Variants in USP24 observed in about 807,000 individuals in gnomAD.
USP24 encodes the protein ubiquitin specific peptidase 24.
In USP24, 97 loss-of-function variants were observed where a neutral mutation model predicts 361.6. The ratio of observed to expected loss-of-function variants is 0.27; its 90% confidence interval spans 0.23 to 0.32. The LOEUF (loss-of-function observed/expected upper bound fraction) is 0.32. Among genes scored for constraint, USP24 ranks in the 10% least tolerant of loss-of-function variants. The pLI is 1.00. For synonymous variants in USP24, 1,098 were observed against 1,124.6 expected, an observed-to-expected ratio of 0.98 and a Z score of 0.47; for missense variants, 2,353 against 3,165.6, an observed-to-expected ratio of 0.74 and a Z score of 6.16.
At chr1:55,086,103 G>T in intron 55 of USP24, 65 bp from the exon 56 acceptor site, 1 of 1,477,168 alleles carries the variant, frequency 6.8e-7, no homozygotes, top group Non-Finnish European at 9.4e-7. Context: ...ACCTTCCCAT[G>T]ATAGGTCCCA....
intron 16 of USP24, among the ~76,000 whole-genome samples, chr1:55,151,338 TACTAACC>T: frequency 6.6e-6 from 1 of 152,230 alleles, no homozygotes; most frequent in Non-Finnish European, 1.5e-5. Flanking sequence ...TTTCCTCCTG[TACTAACC>T]ACATCATGTG....
In USP24 at chr1:55,066,649, G is replaced by C. The variant is rs1233438122; in HGVS notation, c.*2396C>G. 1 of 152,164 alleles carries C rather than the reference G, an allele frequency of 6.6e-6. No homozygotes were observed. Among genetic ancestry groups the C allele is most frequent in the Non-Finnish European group, 1.5e-5 (1 of 68,036 alleles). 9.4% of individuals were successfully genotyped at this position (152,164 alleles called of 1,614,324 possible). ...TGACTGTAGTTGTCAGTGACCGTGTGAGGACTCCAGGAGAAGTCGTGGTGA... is the reference window on the plus strand; with the variant it reads ...TGACTGTAGTTGTCAGTGACCGTGTCAGGACTCCAGGAGAAGTCGTGGTGA... On this transcript the variant is annotated 3_prime_UTR_variant, in exon 68 of 68. Transcript: ENST00000294383.
intron 65 of USP24, 55 bp downstream of exon 65, chr1:55,072,731 G>A (rs2100389130): frequency 6.7e-7 from 1 of 1,491,528 alleles, no homozygotes; most frequent in Non-Finnish European, 9.1e-7. Context: ...TTCCTGACAA[G>A]ATGTGCTATT....
rs1647734214 is a variant in USP24, at chr1:55,156,956, T to C, written c.1438A>G (p.Lys480Glu). ...LSLDELTKIW[K>E]IQSGQSSTVI... ...AATTCTGATCAACCTACCTGTATCT[T>C]CCAAATTTTAGTGAGTTCATCTAAC... Residue 480 changes from lysine to glutamate, a missense_variant, in exon 12 of 68, where the codon AAG (lysine) becomes GAG (glutamate). Around this residue, in one of 8 missense-constraint regions of USP24, gnomAD observed 386 missense variants for 560.5 expected, o/e 0.69. Transcript: ENST00000294383. 2 of 1,611,726 alleles carry C rather than the reference T, an allele frequency of 1.2e-6. No homozygotes were observed. The highest frequency in any genetic ancestry group is 2.7e-5 in the African/African-American group (2 of 74,848).
Position 55,143,021 on chromosome 1 carries a change from G to T in USP24, c.2538C>A (p.Ile846=). 6.6e-7 allele frequency: 1 copy of T among 1,526,636 alleles called. No individual in the cohort carries two copies. The highest frequency in any genetic ancestry group is 1.3e-5 in the South Asian group (1 of 78,534). The allele number at this position is 1,526,636 out of a possible 1,614,324, so 94.6% of individuals were successfully genotyped here. A position where few individuals can be genotyped will look rare whatever the true frequency, so the allele number is the denominator to read the frequency against. ...TTAGATTAATGTAACTATAGTTTATGATTAGCTGAATAGCTTCATTAGCAA... is the reference window on the plus strand; with the variant it reads ...TTAGATTAATGTAACTATAGTTTATTATTAGCTGAATAGCTTCATTAGCAA... ...EEIANEAIQL[I]INYSYINLNP... The change falls in exon 22 of 68, where the codon ATC becomes ATA. Residue 846 remains isoleucine, a synonymous_variant. Coordinates refer to ENST00000294383, the MANE Select transcript of USP24 (RefSeq NM_015306.3).
chr1:55,194,712 C>T (rs1387007454), intron 1 of USP24, among the ~76,000 whole-genome samples: 1 of 152,048 alleles, frequency 6.6e-6, no homozygotes. Flanking sequence ...ACCTTGGTGC[C>T]CTCAATGTAC....
intron 3 of USP24, 25 bp from the exon 4 acceptor site, chr1:55,172,545 A>C: frequency 6.3e-7 from 1 of 1,590,028 alleles, no homozygotes; most frequent in Non-Finnish European, 8.5e-7. Flanking sequence ...AGGGCAATCT[A>C]GAGTCTAACT....
intron 62 of USP24, among the ~76,000 whole-genome samples, chr1:55,075,957 G>A (rs1645023347): frequency 6.6e-6 from 1 of 151,862 alleles, no homozygotes; most frequent in African/African-American, 2.4e-5. Flanking sequence ...GGGAGACTCT[G>A]TCTTGAAAAA....
intron 56 of USP24, among the ~76,000 whole-genome samples, chr1:55,084,959 T>C (rs1478966097): frequency 3.3e-5 from 5 of 151,936 alleles, no homozygotes; most frequent in Non-Finnish European, 7.4e-5. Context: ...AGGAGGAGAG[T>C]GATATGGTCC....
intron 53 of USP24, 74 bp downstream of exon 53, chr1:55,092,747 T>G: frequency 9.0e-7 from 1 of 1,114,128 alleles, no homozygotes; most frequent in Non-Finnish European, 1.3e-6. Context: ...TGAGGATGAA[T>G]CACTGAATGC....
chr1:55,123,195 C>G (rs74330634), intron 36 of USP24, among the ~76,000 whole-genome samples: 3,747 of 152,324 alleles, frequency 0.025, 57 homozygotes, highest in Non-Finnish European at 0.037. Flanking sequence ...CTCAACTAGA[C>G]AGCAAGCTCG....
In USP24 at chr1:55,089,704, T is replaced by C. The variant is rs774489051; in HGVS notation, c.6591A>G (p.Ala2197=). Residue 2197 remains alanine, a synonymous_variant, in exon 55 of 68, where the codon GCA becomes GCG. Transcript: ENST00000294383. ...DTEEWIATIE[A]LLSKSFDACQ... is the part of the protein sequence containing the mutation. ...AAGCATCAAAACTTTTTGAAAGCAATGCTTCAATGGTAGCAATCCATTCTT... is the reference window on the plus strand; with the variant it reads ...AAGCATCAAAACTTTTTGAAAGCAACGCTTCAATGGTAGCAATCCATTCTT... 2.5e-6 allele frequency: 4 copies of C among 1,604,230 alleles called. No homozygotes were observed. The South Asian group carries it at 4.5e-5, about 18-fold the overall frequency.
chr1:55,072,887 G>A (rs758582904), intron 64 of USP24, 26 bp from the exon 65 acceptor site: 1 of 1,580,322 alleles, frequency 6.3e-7, no homozygotes. Flanking sequence ...ATTTTTATTA[G>A]CCAAATTCTT....
chr1:55,151,702 AAGC>A (rs1647197728), intron 16 of USP24, among the ~76,000 whole-genome samples: 1 of 152,154 alleles, frequency 6.6e-6, no homozygotes, highest in South Asian at 2.1e-4. Flanking sequence ...GAAGGTATAG[AAGC>A]AGCAAAGGAA....
rs1475457118 is a variant in USP24 at position 55,214,824 on chromosome 1, G to A, written c.290C>T (p.Pro97Leu). ...GSTGGGGGFD[P>L]PPAYHEVVDA... ...CACCACCTCGTGGTAGGCGGGCGGG[G>A]GGTCGAAGCCGCCCCCGCCTCCGGT... Residue 97 changes from proline (P) to leucine (L), a missense_variant, in exon 1 of 68, where the codon CCC (proline) becomes CTC (leucine). Pro to Leu is a moderately conservative substitution (Grantham distance 98, BLOSUM62 -3). Transcript: ENST00000294383. 21 of 1,223,596 alleles carry A rather than the reference G, an allele frequency of 1.7e-5. No individual in the cohort carries two copies. Among genetic ancestry groups the A allele is most frequent in the Non-Finnish European group, 2.1e-5 (20 of 973,530 alleles). 75.8% of individuals were successfully genotyped at this position (1,223,596 alleles called of 1,614,324 possible).
intron 41 of USP24, among the ~76,000 whole-genome samples, chr1:55,105,791 C>T (rs999691266): frequency 1.3e-5 from 2 of 152,194 alleles, no homozygotes; most frequent in South Asian, 2.1e-4. Flanking sequence ...AAGCACCTAT[C>T]GTTTTCTCCT....
intron 52 of USP24, 83 bp from the exon 53 acceptor site, chr1:55,092,999 T>C: frequency 2.3e-6 from 2 of 870,974 alleles, no homozygotes; most frequent in Non-Finnish European, 1.7e-6. Flanking sequence ...TATGTAAAAA[T>C]ATAGGTAAAA....
At chr1:55,151,681 G>C (rs2100731465) in intron 16 of USP24, among the ~76,000 whole-genome samples, 1 of 152,218 alleles carries the variant, frequency 6.6e-6, no homozygotes, top group African/African-American at 2.4e-5. Flanking sequence ...GAAGGATTGG[G>C]GTAGACAGTG....
intron 63 of USP24, among the ~76,000 whole-genome samples, chr1:55,074,635 AAAAT>A (rs143014800): frequency 0.63 from 87,932 of 138,554 alleles, 29,751 homozygotes; most frequent in East Asian, 0.82. Context: ...CCCTGTCTCA[AAAAT>A]AAATAAATAA....
Sources: gnomAD v4.1 joint callset for allele counts (sites outside exome capture counted in the v4.1 genomes callset) on GRCh38, gnomAD v4.1.1 for gene constraint, gnomAD v4.1.1 regional missense constraint, MANE v1.5 for transcripts, NCBI Gene and HGNC (gene_info 2026-07-23, HGNC 2026-07-21) for gene names.